VPS13B: variants seen among roughly 807,000 people sequenced by gnomAD.
The protein encoded by VPS13B is vacuolar protein sorting 13 homolog B.
VPS13B carries 285 observed loss-of-function variants against 426.4 expected under a neutral mutation model. The observed-to-expected ratio is 0.67, with a 90% CI of 0.61 to 0.74. The LOEUF is 0.74. Ranked by LOEUF, VPS13B falls within the 30% of genes least tolerant of loss-of-function variation. The probability of loss-of-function intolerance (pLI) is 0.00; values close to 1 mark genes in which losing one functional copy is unlikely to be tolerated. For missense variants in VPS13B, 4,537 were observed against 4,782.6 expected, an observed-to-expected ratio of 0.95 and a Z score of 1.51; for synonymous variants, 1,676 against 1,676.4, an observed-to-expected ratio of 1.00 and a Z score of 0.01.
chr8:99,770,772 G>A (rs1008591497), intron 40 of VPS13B, among the ~76,000 whole-genome samples: 9 of 152,204 alleles, frequency 5.9e-5, no homozygotes, highest in Non-Finnish European at 1.3e-4. Flanking sequence ...AGAGGACAAA[G>A]TAGCTTGTTG....
intron 19 of VPS13B, among the ~76,000 whole-genome samples, chr8:99,289,476 T>C (rs1028020255): frequency 2.0e-5 from 3 of 152,172 alleles, no homozygotes; most frequent in African/African-American, 7.2e-5. Context: ...CTATGGTTAG[T>C]GTTACTTTGG....
chr8:99,129,616 A>T (rs1809646567), intron 8 of VPS13B, among the ~76,000 whole-genome samples: 1 of 151,936 alleles, frequency 6.6e-6, no homozygotes, highest in South Asian at 2.1e-4. Context: ...AAAAGAAAAA[A>T]AAGATATATT....
intron 33 of VPS13B, among the ~76,000 whole-genome samples, chr8:99,599,557 G>A (rs1041400154): frequency 1.3e-5 from 2 of 151,984 alleles, no homozygotes; most frequent in Non-Finnish European, 2.9e-5. Context: ...TCCTATCTGA[G>A]TTTGTACTTT....
At chr8:99,222,075 A>T (rs1221375281) in intron 17 of VPS13B, among the ~76,000 whole-genome samples, 1 of 152,198 alleles carries the variant, frequency 6.6e-6, no homozygotes, top group East Asian at 1.9e-4. Context: ...CTCACCCCTC[A>T]AATAATCAAG....
At chr8:99,324,689 T>G (rs1187589870) in intron 19 of VPS13B, among the ~76,000 whole-genome samples, 1 of 152,198 alleles carries the variant, frequency 6.6e-6, no homozygotes, top group Non-Finnish European at 1.5e-5. Context: ...GTAAGATATG[T>G]TTTCAACATT....
chr8:99,041,103 A>G (rs1842944863), intron 3 of VPS13B, among the ~76,000 whole-genome samples: 1 of 152,200 alleles, frequency 6.6e-6, no homozygotes, highest in Non-Finnish European at 1.5e-5. Flanking sequence ...AGTTTTACTT[A>G]TAGAGATTTT....
chr8:99,468,209 A>G (rs1819215345), intron 24 of VPS13B, among the ~76,000 whole-genome samples: 1 of 151,994 alleles, frequency 6.6e-6, no homozygotes, highest in Non-Finnish European at 1.5e-5. Context: ...AAGTGTTCTC[A>G]TTGTTCAATT....
chr8:99,715,781 T>C (rs1359788437), intron 36 of VPS13B, among the ~76,000 whole-genome samples: 1 of 152,236 alleles, frequency 6.6e-6, no homozygotes, highest in African/African-American at 2.4e-5. Context: ...TATACTTTTA[T>C]GCCTTTATGG....
intron 35 of VPS13B, among the ~76,000 whole-genome samples, chr8:99,668,305 A>G (rs1361985499): frequency 6.6e-6 from 1 of 151,236 alleles, no homozygotes; most frequent in Non-Finnish European, 1.5e-5. Context: ...GAAGTGAGCT[A>G]TGATCATGCT....
intron 17 of VPS13B, among the ~76,000 whole-genome samples, chr8:99,226,205 C>T (rs746117391): frequency 1.3e-4 from 20 of 152,162 alleles, no homozygotes; most frequent in Non-Finnish European, 2.5e-4. Context: ...CATAGAGTCT[C>T]TCATACCTCC....
chr8:99,867,064 C>G (rs2130959159), intron 58 of VPS13B, among the ~76,000 whole-genome samples: 1 of 152,272 alleles, frequency 6.6e-6, no homozygotes, highest in South Asian at 2.1e-4. Flanking sequence ...TCTGTCAAAA[C>G]CTAGAGGAAA....
chr8:99,225,430 C>A (rs1476783965), intron 17 of VPS13B, among the ~76,000 whole-genome samples: 1 of 152,114 alleles, frequency 6.6e-6, no homozygotes, highest in East Asian at 1.9e-4. Flanking sequence ...GCACCCACCA[C>A]CACGCCCGGC....
At chr8:99,582,811 A>G (rs1017030288) in intron 33 of VPS13B, among the ~76,000 whole-genome samples, 5 of 151,934 alleles carry the variant, frequency 3.3e-5, no homozygotes, top group East Asian at 1.9e-4. Flanking sequence ...GCCCGCCACC[A>G]CGCCCGGCTA....
rs953465036 is a variant in VPS13B at position 99,876,674 on chromosome 8, G to T, written c.*1008G>T. The T allele has an allele frequency of 1.3e-5, 2 of 152,170 alleles. No individual in the cohort carries two copies. The highest frequency in any genetic ancestry group is 1.5e-5 in the Non-Finnish European group (1 of 68,044). 9.4% of individuals were successfully genotyped at this position (152,170 alleles called of 1,614,324 possible). ...CTGTCTGATAATATTTTGCATCTAA[G>T]AATGGGTTTGACTCAAGATCTTGGG... On this transcript the variant is annotated 3_prime_UTR_variant, in exon 62 of 62. Coordinates refer to ENST00000357162, the MANE Select transcript of VPS13B (RefSeq NM_152564.5).
At chr8:99,557,842 G>A (rs1464576772) in intron 31 of VPS13B, among the ~76,000 whole-genome samples, 1 of 152,130 alleles carries the variant, frequency 6.6e-6, no homozygotes, top group Non-Finnish European at 1.5e-5. Flanking sequence ...TGCTAGAAAG[G>A]CGGTATTAGG....
chr8:99,726,658 G>A (rs1833362292), intron 39 of VPS13B, among the ~76,000 whole-genome samples: 1 of 152,278 alleles, frequency 6.6e-6, no homozygotes. Context: ...TAAGGGAACA[G>A]GAACAAATTC....
intron 19 of VPS13B, among the ~76,000 whole-genome samples, chr8:99,377,126 T>G (rs1009739177): frequency 5.9e-5 from 9 of 152,162 alleles, no homozygotes; most frequent in African/African-American, 2.2e-4. Context: ...TATCTTCACT[T>G]GTTTACAGCT....
At chr8:99,244,983 C>T (rs1333883890) in intron 17 of VPS13B, among the ~76,000 whole-genome samples, 2 of 152,128 alleles carry the variant, frequency 1.3e-5, no homozygotes, top group Non-Finnish European at 2.9e-5. Context: ...TCTACCAGAG[C>T]TTATGGCTAT....
chr8:99,379,555 C>G (rs960278792), intron 19 of VPS13B, among the ~76,000 whole-genome samples: 3 of 152,100 alleles, frequency 2.0e-5, no homozygotes, highest in African/African-American at 7.2e-5. Context: ...GGCTATCTTT[C>G]ACTTTCTCCA....
Sources: allele counts gnomAD v4.1 joint callset (sites outside exome capture counted in the v4.1 genomes callset), GRCh38; gene constraint gnomAD v4.1.1; transcripts MANE v1.5; gene names NCBI Gene and HGNC (gene_info 2026-07-23, HGNC 2026-07-21).